FBXL7: variants seen among roughly 807,000 people sequenced by gnomAD.
FBXL7 encodes the protein F-box and leucine rich repeat protein 7.
A neutral mutation model predicts 38.3 loss-of-function variants in FBXL7; 12 were observed. The observed-to-expected ratio is 0.31, with a 90% CI of 0.20 to 0.51. The LOEUF is 0.51. Ranked by LOEUF, FBXL7 falls within the 20% of genes least tolerant of loss-of-function variation. The pLI is 0.98. For synonymous variants in FBXL7, 297 were observed against 300.9 expected (o/e 0.99, Z 0.13); for missense variants, 567 against 676.4 (o/e 0.84, Z 1.79).
At chr5:15,824,255 C>G (rs1421703676) in intron 2 of FBXL7, among the ~76,000 whole-genome samples, 2 of 148,022 alleles carry the variant, frequency 1.4e-5, no homozygotes, top group Non-Finnish European at 3.0e-5. Context: ...GAGATCACGC[C>G]ACTGCATTCC....
chr5:15,699,512 C>T (rs1169776546), intron 2 of FBXL7, among the ~76,000 whole-genome samples: 2 of 152,188 alleles, frequency 1.3e-5, no homozygotes, highest in African/African-American at 4.8e-5. Flanking sequence ...CACCCTATCC[C>T]AACATGACCT....
chr5:15,683,125 A>G (rs532554653), intron 2 of FBXL7, among the ~76,000 whole-genome samples: 98 of 152,326 alleles, frequency 6.4e-4, no homozygotes, highest in African/African-American at 2.3e-3. Flanking sequence ...TTTCAAATGC[A>G]GAATTAATTA....
chr5:15,931,050 G>T (rs1257811074), intron 3 of FBXL7, among the ~76,000 whole-genome samples: 1 of 152,216 alleles, frequency 6.6e-6, no homozygotes, highest in East Asian at 1.9e-4. Flanking sequence ...AAGGAGATGA[G>T]ACTGCCTATC....
chr5:15,661,790 T>A (rs1742084515), intron 2 of FBXL7, among the ~76,000 whole-genome samples: 1 of 152,222 alleles, frequency 6.6e-6, no homozygotes, highest in Non-Finnish European at 1.5e-5. Context: ...TATTTGGATT[T>A]CTGTTCCTTC....
intron 2 of FBXL7, among the ~76,000 whole-genome samples, chr5:15,807,680 TTTC>T (rs942455078): frequency 2.0e-5 from 2 of 99,716 alleles, no homozygotes; most frequent in African/African-American, 6.4e-5. Flanking sequence ...TTGTTTTTCT[TTTC>T]TTTTTTTTTT....
Position 15,824,252 on chromosome 5 carries a change from C to T in FBXL7, c.128-103638C>T, listed in dbSNP as rs60563254. On this transcript the variant is annotated intron_variant, in intron 2 of 3. Coordinates refer to ENST00000504595, the MANE Select transcript of FBXL7 (RefSeq NM_012304.5). ...AGGAGGTTGCAGTGGGCAGAGATCA[C>T]GCCACTGCATTCCAGCCTGGGCAAC... Among the ~76,000 whole-genome samples, 945 of 150,286 alleles carry T rather than the reference C, an allele frequency of 6.3e-3. 15 individuals are homozygous for T. Among genetic ancestry groups the T allele is most frequent in the African/African-American group, 0.022 (891 of 40,878 alleles).
chr5:15,864,288 C>G (rs1382048792), intron 2 of FBXL7, among the ~76,000 whole-genome samples: 4 of 151,840 alleles, frequency 2.6e-5, no homozygotes, highest in African/African-American at 9.7e-5. Context: ...TATAGCAACC[C>G]AAATGGACTA....
At chr5:15,690,363 T>C (rs1743145438) in intron 2 of FBXL7, among the ~76,000 whole-genome samples, 2 of 152,220 alleles carry the variant, frequency 1.3e-5, no homozygotes, top group South Asian at 4.1e-4. Context: ...ACACTATAGA[T>C]TTGTGAAAGC....
chr5:15,700,488 G>A lies in FBXL7; in HGVS notation c.127+84416G>A, dbSNP rs576520994. ...CATGTCCTTAACTATGATAATAAGT[G>A]GAGTCTGCCAGTGGTTGCTTGTGTG... On this transcript the variant is annotated intron_variant, in intron 2 of 3. Transcript: ENST00000504595. Among the ~76,000 whole-genome samples, 3 of 152,308 alleles carry A rather than the reference G, an allele frequency of 2.0e-5. No individual in the cohort carries two copies. In the South Asian group the frequency reaches 6.2e-4, roughly 32 times the overall value.
intron 2 of FBXL7, among the ~76,000 whole-genome samples, chr5:15,852,009 A>G (rs1739111496): frequency 1.3e-5 from 2 of 152,116 alleles, no homozygotes; most frequent in African/African-American, 4.8e-5. Flanking sequence ...GGAACAACCC[A>G]TTATCTCTCC....
intron 2 of FBXL7, among the ~76,000 whole-genome samples, chr5:15,786,343 C>T (rs1264464068): frequency 6.8e-6 from 1 of 147,588 alleles, no homozygotes; most frequent in Non-Finnish European, 1.5e-5. Flanking sequence ...GATTGGGAAA[C>T]CAGTAGGTAG....
At chr5:15,876,230 C>T (rs1364134241) in intron 2 of FBXL7, among the ~76,000 whole-genome samples, 3 of 151,560 alleles carry the variant, frequency 2.0e-5, no homozygotes, top group African/African-American at 4.9e-5. Context: ...AAGGGAACAT[C>T]GCACATGGGT....
intron 2 of FBXL7, among the ~76,000 whole-genome samples, chr5:15,660,129 G>A (rs1042264614): frequency 1.6e-4 from 24 of 152,130 alleles, no homozygotes; most frequent in African/African-American, 5.6e-4. Context: ...ATTTCCATCA[G>A]CAACGGTGTC....
intron 2 of FBXL7, among the ~76,000 whole-genome samples, chr5:15,778,022 G>C (rs1736901583): frequency 6.6e-6 from 1 of 151,880 alleles, no homozygotes; most frequent in Non-Finnish European, 1.5e-5. Context: ...ATGTATTTTG[G>C]TTACCTATAT....
chr5:15,895,830 G>A (rs1741087155), intron 2 of FBXL7, among the ~76,000 whole-genome samples: 1 of 150,994 alleles, frequency 6.6e-6, no homozygotes, highest in South Asian at 2.1e-4. Flanking sequence ...ATTTTTAGTA[G>A]AGACGGGGTT....
At chr5:15,588,036 A>C (rs1287741629) in intron 1 of FBXL7, among the ~76,000 whole-genome samples, 1 of 152,108 alleles carries the variant, frequency 6.6e-6, no homozygotes, top group African/African-American at 2.4e-5. Flanking sequence ...AAACTCAGCC[A>C]CCCTTATTTG....
chr5:15,926,953 A>G (rs1054017961), intron 2 of FBXL7, among the ~76,000 whole-genome samples: 2 of 151,768 alleles, frequency 1.3e-5, no homozygotes, highest in Non-Finnish European at 2.9e-5. Flanking sequence ...TTGTAAATGC[A>G]ACATAATCAC....
chr5:15,829,918 ATAATTTGGG>A (rs1738408261), intron 2 of FBXL7, among the ~76,000 whole-genome samples: 1 of 152,166 alleles, frequency 6.6e-6, no homozygotes, highest in Non-Finnish European at 1.5e-5. Context: ...GTACAGTATA[ATAATTTGGG>A]TAATTTAAAA....
chr5:15,929,748 G>T (rs1215807839), intron 3 of FBXL7, among the ~76,000 whole-genome samples: 2 of 152,044 alleles, frequency 1.3e-5, no homozygotes, highest in African/African-American at 4.8e-5. Flanking sequence ...GACATGATCT[G>T]CCTGGACTAA....
Sources: gnomAD v4.1 joint callset for allele counts (sites outside exome capture counted in the v4.1 genomes callset) on GRCh38, gnomAD v4.1.1 for gene constraint, MANE v1.5 for transcripts, NCBI Gene and HGNC (gene_info 2026-07-23, HGNC 2026-07-21) for gene names.